Variants in INSC observed in about 807,000 individuals in gnomAD.
INSC encodes the protein protein inscuteable homolog.
In INSC, 67 loss-of-function variants were observed where a neutral mutation model predicts 58.6. The ratio of observed to expected loss-of-function variants is 1.14; its 90% CI spans 0.94 to 1.40. The LOEUF is 1.40. INSC is among the 40% of genes most tolerant of loss of function. INSC has a pLI of 0.00. For synonymous variants in INSC, 262 were observed against 276.1 expected (o/e 0.95, Z 0.51); for missense variants, 714 against 692.0 (o/e 1.03, Z -0.36).
At chr11:15,149,291 C>G in intron 2 of INSC, 61 bp downstream of exon 2, 1 of 1,395,434 alleles carries the variant, frequency 7.2e-7, no homozygotes. Context: ...GACTGAGGCC[C>G]AGTTCCAGCA....
At chr11:15,219,090 T>G (rs1289128574) in intron 7 of INSC, among the ~76,000 whole-genome samples, 1 of 152,114 alleles carries the variant, frequency 6.6e-6, no homozygotes, top group Non-Finnish European at 1.5e-5. Context: ...TTCTCTGAAT[T>G]GCTGGCACAT....
At chr11:15,124,667 C>T (rs190792184) in intron 1 of INSC, among the ~76,000 whole-genome samples, 2 of 152,080 alleles carry the variant, frequency 1.3e-5, no homozygotes, top group South Asian at 4.2e-4. Flanking sequence ...CTAATCCTGG[C>T]CCCATCCCCA....
At chr11:15,253,332 G>A in the INSC span, among the ~76,000 whole-genome samples, 1 of 152,090 alleles carries the variant, frequency 6.6e-6, no homozygotes, top group African/African-American at 2.4e-5. Context: ...TGAGGGAATC[G>A]AGAGCCTATT....
At chr11:15,158,176 G>C (rs1361084928) in intron 2 of INSC, among the ~76,000 whole-genome samples, 2 of 151,876 alleles carry the variant, frequency 1.3e-5, no homozygotes, top group African/African-American at 4.8e-5. Context: ...TAACCTGGCT[G>C]TGATTAATTT....
At chr11:15,259,622 T>C in the INSC span, among the ~76,000 whole-genome samples, 7 of 152,296 alleles carry the variant, frequency 4.6e-5, no homozygotes, top group African/African-American at 1.4e-4. Flanking sequence ...GGGAAGGAGA[T>C]AAACATTTAC....
At chr11:15,167,034 T>A (rs543608665) in intron 2 of INSC, among the ~76,000 whole-genome samples, 1 of 151,696 alleles carries the variant, frequency 6.6e-6, no homozygotes, top group Non-Finnish European at 1.5e-5. Context: ...AAGTTATTAT[T>A]ACTGGTGGAT....
intron 1 of INSC, among the ~76,000 whole-genome samples, chr11:15,126,970 C>G (rs373896226): frequency 3.7e-4 from 57 of 152,320 alleles, no homozygotes; most frequent in African/African-American, 1.3e-3. Context: ...CAGTTTCTAT[C>G]TCAGCTATGT....
chr11:15,200,184 CACACACAA>C (rs922096521), intron 6 of INSC, among the ~76,000 whole-genome samples: 5 of 150,538 alleles, frequency 3.3e-5, no homozygotes, highest in African/African-American at 1.2e-4. Flanking sequence ...CACACACACA[CACACACAA>C]ACAGGAGTAA....
At chr11:15,209,911 T>C (rs1201358762) in intron 7 of INSC, among the ~76,000 whole-genome samples, 2 of 152,130 alleles carry the variant, frequency 1.3e-5, no homozygotes, top group Non-Finnish European at 2.9e-5. Flanking sequence ...ATAAACATCA[T>C]AGGGTCCCTC....
upstream of INSC, among the ~76,000 whole-genome samples, chr11:15,113,895 T>C (rs1016781894): frequency 6.6e-5 from 10 of 152,134 alleles, no homozygotes; most frequent in Non-Finnish European, 1.5e-4. Flanking sequence ...CGTTTTGTCA[T>C]GGGGACTGAG....
intron 2 of INSC, among the ~76,000 whole-genome samples, chr11:15,170,113 A>G (rs759700923): frequency 2.0e-5 from 3 of 152,188 alleles, no homozygotes; most frequent in Non-Finnish European, 4.4e-5. Flanking sequence ...TGTAAATACT[A>G]TGTAAATAGT....
At chr11:15,260,191 T>TA in the INSC span, among the ~76,000 whole-genome samples, 1 of 152,056 alleles carries the variant, frequency 6.6e-6, no homozygotes, top group Non-Finnish European at 1.5e-5. Flanking sequence ...TTGTTTTTTT[T>TA]AAAGATGTTG....
At chr11:15,135,201 T>C (rs1848215674) in intron 1 of INSC, among the ~76,000 whole-genome samples, 1 of 152,206 alleles carries the variant, frequency 6.6e-6, no homozygotes, top group African/African-American at 2.4e-5. Flanking sequence ...TGGAGCATCA[T>C]AGAACACTCT....
At chr11:15,181,024 T>C (rs1849759186) in intron 5 of INSC, among the ~76,000 whole-genome samples, 2 of 152,220 alleles carry the variant, frequency 1.3e-5, no homozygotes, top group South Asian at 4.1e-4. Flanking sequence ...TTAGTAATTA[T>C]ACCAGGATCT....
intron 7 of INSC, among the ~76,000 whole-genome samples, chr11:15,217,959 C>T (rs540023509): frequency 6.6e-5 from 10 of 152,152 alleles, no homozygotes; most frequent in South Asian, 2.1e-4. Context: ...ACTATCATGT[C>T]GCAAAACAAT....
chr11:15,251,674 A>T (rs546092548), downstream of INSC, among the ~76,000 whole-genome samples: 19 of 152,298 alleles, frequency 1.2e-4, no homozygotes, highest in African/African-American at 2.2e-4. Context: ...GTCATTAGGG[A>T]ATGGAAATCA....
Position 15,192,415 on chromosome 11 carries a change from A to T in INSC, c.693+1601A>T, listed in dbSNP as rs550409583. ...TATTCTTCTTTATTGCTTTCCAGAC[A>T]CGCTCCCACCTGTGGTGTCTAAAAA... On this transcript the variant is annotated intron_variant, in intron 6 of 12. Coordinates refer to ENST00000379556, the MANE Select transcript of INSC (RefSeq NM_001042536.3). Among the ~76,000 whole-genome samples, 14 of 152,184 alleles carry T rather than the reference A, an allele frequency of 9.2e-5. 1 individual carries two copies. The South Asian group carries it at 2.7e-3, about 29-fold the overall frequency.
intron 5 of INSC, among the ~76,000 whole-genome samples, chr11:15,182,517 C>T (rs960843394): frequency 6.6e-6 from 1 of 152,156 alleles, no homozygotes; most frequent in African/African-American, 2.4e-5. Context: ...AACTGTTTTC[C>T]TTTTCCTGCA....
intron 2 of INSC, among the ~76,000 whole-genome samples, chr11:15,169,530 G>GT (rs1554910472): frequency 4.6e-5 from 6 of 131,680 alleles, no homozygotes; most frequent in East Asian, 4.4e-4. Flanking sequence ...TGTTGTTGTT[G>GT]TTGTTTGTTT....
Sources: gnomAD v4.1 joint callset for allele counts (sites outside exome capture counted in the v4.1 genomes callset) on GRCh38, gnomAD v4.1.1 for gene constraint, MANE v1.5 for transcripts, NCBI Gene and HGNC (gene_info 2026-07-23, HGNC 2026-07-21) for gene names.